CPSF4: variants seen among roughly 807,000 people sequenced by gnomAD.
The protein encoded by CPSF4 is cleavage and polyadenylation specificity factor subunit 4.
Under a neutral mutation model 37.7 loss-of-function variants are expected in CPSF4, and 11 were observed. The ratio of observed to expected loss-of-function variants is 0.29; its 90% confidence interval spans 0.18 to 0.48. The LOEUF (loss-of-function observed/expected upper bound fraction) is 0.48. Ranked by LOEUF, CPSF4 falls within the 20% of genes least tolerant of loss-of-function variation. The pLI, the probability that CPSF4 is intolerant of heterozygous loss-of-function variation, is 0.99. For synonymous variants in CPSF4, 132 were observed against 135.9 expected (o/e 0.97, Z 0.20); for missense variants, 144 against 359.5 (o/e 0.40, Z 4.85).
chr7:99,446,064 T>C (rs1797465559), intron 2 of CPSF4, among the ~76,000 whole-genome samples: 1 of 152,196 alleles, frequency 6.6e-6, no homozygotes, highest in Non-Finnish European at 1.5e-5. Flanking sequence ...TGAATGGTTT[T>C]GGTGAGTTTT....
rs150643397 is a variant in CPSF4, at chr7:99,441,972, G to A, written c.103+2787G>A. On this transcript the variant is annotated intron_variant, in intron 1 of 7. Coordinates refer to ENST00000292476, the MANE Select transcript of CPSF4 (RefSeq NM_006693.4). ...CTCCCAAAGTGCTAGGATTACAGAC[G>A]TGAGTCACCGCACCTGGCCACTTTC... Among the ~76,000 whole-genome samples the A allele has an allele frequency of 1.8e-3, 275 of 152,280 alleles. 3 individuals are homozygous for A. Among genetic ancestry groups the A allele is most frequent in the African/African-American group, 5.8e-3 (243 of 41,548 alleles).
At position 99,448,015 on chromosome 7, in the gene CPSF4, G is replaced by A. The variant is rs1451092119; in HGVS notation, c.155-106G>A. 6 of 1,136,178 alleles carry A rather than the reference G, an allele frequency of 5.3e-6. No homozygotes were observed. The highest frequency in any genetic ancestry group is 4.8e-5 in the East Asian group (2 of 41,472). 70.4% of individuals were successfully genotyped at this position (1,136,178 alleles called of 1,614,324 possible). On this transcript the variant is annotated intron_variant, in intron 2 of 7. Transcript: ENST00000292476. The surrounding 1 kb of genome is among the most constrained non-coding windows in gnomAD (Gnocchi z 4.4). ...CCTTTCCAGGACGTGATGCCTTCAGGTGGCTCCAGGAGTTAGGAAGTGAAG... is the reference window on the plus strand; with the variant it reads ...CCTTTCCAGGACGTGATGCCTTCAGATGGCTCCAGGAGTTAGGAAGTGAAG...
intron 7 of CPSF4, 49 bp downstream of exon 7, chr7:99,454,185 T>G: frequency 6.6e-7 from 1 of 1,513,726 alleles, no homozygotes; most frequent in African/African-American, 1.4e-5. Flanking sequence ...TTACCGTCAG[T>G]GGCCATTCCC....
In CPSF4 at chr7:99,450,273, C is replaced by T; in HGVS notation, c.308-3C>T. 1.2e-6 allele frequency: 2 copies of T among 1,612,266 alleles called. No homozygotes were observed. Among genetic ancestry groups the T allele is most frequent in the Non-Finnish European group, 8.5e-7 (1 of 1,178,420 alleles). On this transcript the variant is annotated splice_polypyrimidine_tract_variant and splice_region_variant and intron_variant, in intron 3 of 7. Transcript: ENST00000292476. ...GTGGTCTCACGTCTGAGTTTCCCTG[C>T]AGGGGAGTGCAGCAACAAGGAATGT...
chr7:99,452,602 A>G (rs1448636744), intron 6 of CPSF4, 162 bp downstream of exon 6: 24 of 642,472 alleles, frequency 3.7e-5, no homozygotes, highest in South Asian at 3.6e-4. Flanking sequence ...AAAGCCGTGT[A>G]TATCTCCCTC....
At position 99,447,589 on chromosome 7, in the gene CPSF4, C is replaced by CTT. The variant is rs1195818955; in HGVS notation, c.155-515_155-514dup. Among the ~76,000 whole-genome samples, 569 of 129,060 alleles carry CTT rather than the reference C, an allele frequency of 4.4e-3. 1 individual carries two copies. The highest frequency in any genetic ancestry group is 0.015 in the African/African-American group (506 of 33,296). The allele number at this position is 129,060 out of a possible 152,430, so 84.7% of individuals were successfully genotyped here. On this transcript the variant is annotated intron_variant, in intron 2 of 7. Transcript: ENST00000292476. ...GTAATATCTGTGAGATCATGAGTAACTTTTTTTTTTTTTTTTTTGAAAAGG... is the reference window on the plus strand; with the variant it reads ...GTAATATCTGTGAGATCATGAGTAACTTTTTTTTTTTTTTTTTTTTGAAAAGG...
chr7:99,443,091 G>T (rs878930064), intron 1 of CPSF4: 2 of 902,632 alleles, frequency 2.2e-6, no homozygotes, highest in South Asian at 2.6e-5. Context: ...AACCATAGGT[G>T]TGTTCAGATG....
chr7:99,450,414 C>T, intron 4 of CPSF4, 43 bp downstream of exon 4: 1 of 1,389,236 alleles, frequency 7.2e-7, no homozygotes. Context: ...GAAGCCAGTC[C>T]TCCCTTCTCT....
chr7:99,440,907 G>A (rs1156476590), intron 1 of CPSF4, among the ~76,000 whole-genome samples: 1 of 145,996 alleles, frequency 6.8e-6, no homozygotes, highest in Admixed American at 6.9e-5. Flanking sequence ...CCTACCCCTC[G>A]ACTCTTGTGA....
At position 99,455,485 on chromosome 7, in the gene CPSF4, G is replaced by A. The variant is rs372747233; in HGVS notation, c.742-947G>A. Reference sequence around the variant, plus strand: ...GGAGGCCGAGGGGAGCAGGTCACAAGGTCAGGAGTTCGAGACCATCCTGGC... The same window carrying A: ...GGAGGCCGAGGGGAGCAGGTCACAAAGTCAGGAGTTCGAGACCATCCTGGC... On this transcript the variant is annotated intron_variant, in intron 7 of 7. Transcript: ENST00000292476. Among the ~76,000 whole-genome samples the A allele has an allele frequency of 9.1e-4, 138 of 152,318 alleles. 1 individual carries two copies. The highest frequency in any genetic ancestry group is 6.4e-3 in the East Asian group (33 of 5,172).
chr7:99,439,243 CTG>C (rs1796654465), intron 1 of CPSF4, 58 bp downstream of exon 1: 1 of 1,313,762 alleles, frequency 7.6e-7, no homozygotes, highest in Admixed American at 2.2e-5. Flanking sequence ...ACCCGCTCCT[CTG>C]TGATCCCGGG....
At chr7:99,444,881 C>T in intron 2 of CPSF4, 42 bp downstream of exon 2, 1 of 1,557,258 alleles carries the variant, frequency 6.4e-7, no homozygotes, top group Non-Finnish European at 8.8e-7. Context: ...CGGAGGCGCC[C>T]TCCCACCTCC....
rs75443686 is a variant in CPSF4 at position 99,454,951 on chromosome 7, A to G, written c.741+815A>G. On this transcript the variant is annotated intron_variant, in intron 7 of 7. Coordinates refer to ENST00000292476, the MANE Select transcript of CPSF4 (RefSeq NM_006693.4). ...ACGCCTGTAGTCCCAGCTACTGGGG[A>G]GGCTTAGATGGGAGGATTGCTTGGG... 2.0e-4 allele frequency among the ~76,000 whole-genome samples: 31 copies of G among 152,180 alleles called. No homozygotes were observed. In the East Asian group the frequency reaches 5.8e-3, roughly 29 times the overall value.
At chr7:99,445,115 T>C (rs966433737) in intron 2 of CPSF4, among the ~76,000 whole-genome samples, 1 of 152,162 alleles carries the variant, frequency 6.6e-6, no homozygotes, top group African/African-American at 2.4e-5. Flanking sequence ...CCCCCAGCAT[T>C]GAGACACTCA....
chr7:99,442,947 G>C (rs763536218), intron 1 of CPSF4: 3 of 1,588,672 alleles, frequency 1.9e-6, no homozygotes, highest in African/African-American at 1.3e-5. Flanking sequence ...TGTGGTTCCA[G>C]TTCCAGCTGA....
At chr7:99,440,291 G>A (rs997880842) in intron 1 of CPSF4, among the ~76,000 whole-genome samples, 1 of 151,942 alleles carries the variant, frequency 6.6e-6, no homozygotes, top group African/African-American at 2.4e-5. Context: ...CCCCTCAGGC[G>A]GTCACACCTT....
chr7:99,452,153 G>A (rs1215781299), intron 5 of CPSF4, among the ~76,000 whole-genome samples: 2 of 152,050 alleles, frequency 1.3e-5, no homozygotes, highest in African/African-American at 2.4e-5. Context: ...AGGCAAGTCA[G>A]TTCTGTTCTC....
At chr7:99,450,199 C>T (rs1304460143) in intron 3 of CPSF4, 77 bp from the exon 4 acceptor site, 14 of 1,125,096 alleles carry the variant, frequency 1.2e-5, no homozygotes, top group Non-Finnish European at 1.9e-5. Context: ...GACACCAGAA[C>T]CTCTTTTCCT....
chr7:99,456,690 T>G lies in CPSF4; in HGVS notation c.*190T>G, dbSNP rs1171672525. The stretch of plus-strand genomic sequence containing the variant: ...CTTAGTATTTTTTGAAAAAGGGACA[T>G]GTGTCCTGTGGGTCCCTGCAGTCGA... On this transcript the variant is annotated 3_prime_UTR_variant, in exon 8 of 8. Coordinates refer to ENST00000292476, the MANE Select transcript of CPSF4 (RefSeq NM_006693.4). 12 of 674,782 alleles carry G rather than the reference T, an allele frequency of 1.8e-5. No homozygotes were observed. The highest frequency in any genetic ancestry group is 3.3e-5 in the Non-Finnish European group (12 of 368,344). 41.8% of individuals were successfully genotyped at this position (674,782 alleles called of 1,614,324 possible).
Sources: gnomAD v4.1 joint callset for allele counts (sites outside exome capture counted in the v4.1 genomes callset) on GRCh38, gnomAD v4.1.1 for gene constraint, Gnocchi (gnomAD v3.1) non-coding constraint, MANE v1.5 for transcripts, NCBI Gene and HGNC (gene_info 2026-07-23, HGNC 2026-07-21) for gene names.